BLTP1: variants seen among roughly 807,000 people sequenced by gnomAD.
The protein encoded by BLTP1 is fragile site-associated protein.
At chr4:122,223,767 A>G in the BLTP1 span, among the ~76,000 whole-genome samples, 1 of 152,120 alleles carries the variant, frequency 6.6e-6, no homozygotes, top group Non-Finnish European at 1.5e-5. Flanking sequence ...GGATGAGAGC[A>G]CTGAAGATGA....
At chr4:122,226,763 G>A in the BLTP1 span, 3 of 1,613,354 alleles carry the variant, frequency 1.9e-6, no homozygotes, top group Non-Finnish European at 8.5e-7. Flanking sequence ...TATGTCGGGA[G>A]TATGAACTGG....
chr4:122,243,962 C>T, the BLTP1 span: 11 of 1,611,502 alleles, frequency 6.8e-6, no homozygotes, highest in African/African-American at 1.3e-5. Flanking sequence ...GGACAACAGC[C>T]ATAGTTGAAG....
the BLTP1 span, chr4:122,219,127 C>CT: frequency 1.0e-6 from 1 of 984,240 alleles, no homozygotes; most frequent in Non-Finnish European, 1.2e-6. Context: ...GGCTCTGTAA[C>CT]TTTTTGCATT....
At chr4:122,317,402 C>T in the BLTP1 span, among the ~76,000 whole-genome samples, 11 of 151,320 alleles carry the variant, frequency 7.3e-5, no homozygotes, top group Non-Finnish European at 1.6e-4. Context: ...CACTTTATGA[C>T]TGATGGTTTA....
chr4:122,239,937 A>G, the BLTP1 span: 1 of 1,613,970 alleles, frequency 6.2e-7, no homozygotes, highest in Non-Finnish European at 8.5e-7. Flanking sequence ...TAGAAAAAAG[A>G]AGAAAAAGCA....
chr4:122,331,801 C>A, the BLTP1 span: 1 of 962,888 alleles, frequency 1.0e-6, no homozygotes, highest in East Asian at 1.2e-4. Flanking sequence ...CTTTGGAATT[C>A]TTTTAACACA....
At chr4:122,318,051 T>A in the BLTP1 span, 5 of 1,297,954 alleles carry the variant, frequency 3.9e-6, no homozygotes, top group Non-Finnish European at 1.0e-6. Context: ...TATAATCATC[T>A]TTGGTATTCT....
At chr4:122,338,123 A>T in the BLTP1 span, among the ~76,000 whole-genome samples, 3 of 151,456 alleles carry the variant, frequency 2.0e-5, no homozygotes, top group Non-Finnish European at 4.4e-5. Flanking sequence ...TAAAGGTCTG[A>T]TGAAAACAGA....
the BLTP1 span, among the ~76,000 whole-genome samples, chr4:122,319,533 T>C: frequency 4.7e-5 from 7 of 149,180 alleles, no homozygotes; most frequent in African/African-American, 1.7e-4. Context: ...CATTTTATGA[T>C]TTATAATTTT....
the BLTP1 span, chr4:122,186,952 A>G: frequency 1.1e-6 from 1 of 922,686 alleles, no homozygotes; most frequent in Non-Finnish European, 1.3e-6. Flanking sequence ...ATTAAGGGAA[A>G]ATTAATTTGG....
the BLTP1 span, chr4:122,274,515 T>G: frequency 1.3e-6 from 2 of 1,537,206 alleles, no homozygotes; most frequent in South Asian, 2.5e-5. Flanking sequence ...CATGCTGAAT[T>G]TTGAGGTTTG....
chr4:122,350,960 T>C, the BLTP1 span, among the ~76,000 whole-genome samples: 3 of 152,202 alleles, frequency 2.0e-5, no homozygotes, highest in Non-Finnish European at 4.4e-5. Flanking sequence ...ACAGATTTGA[T>C]ATCGGATTTA....
chr4:122,199,275 G>A, the BLTP1 span: 6 of 1,537,572 alleles, frequency 3.9e-6, no homozygotes, highest in Non-Finnish European at 4.4e-6. Flanking sequence ...TTCTTTGAGT[G>A]GTGGTAGGAG....
chr4:122,225,029 T>G, the BLTP1 span: 1 of 991,710 alleles, frequency 1.0e-6, no homozygotes, highest in East Asian at 8.9e-5. Context: ...AAATCTTATT[T>G]TTCTACTATA....
At chr4:122,322,968 A>ATT in the BLTP1 span, among the ~76,000 whole-genome samples, 3 of 151,502 alleles carry the variant, frequency 2.0e-5, no homozygotes, top group Non-Finnish European at 2.9e-5. Flanking sequence ...TCCTGAGGGG[A>ATT]TTTTTTTCCC....
the BLTP1 span, chr4:122,179,776 ACACT>A: frequency 2.3e-4 from 201 of 886,644 alleles, no homozygotes; most frequent in East Asian, 6.0e-4. Context: ...ACATGCACAC[ACACT>A]CACACAGCCA....
chr4:122,200,773 T>G, the BLTP1 span: 1 of 914,050 alleles, frequency 1.1e-6, no homozygotes, highest in African/African-American at 1.8e-5. Flanking sequence ...GTAGCCTGAT[T>G]TGTTGTTCTG....
chr4:122,282,798 A>G, the BLTP1 span, among the ~76,000 whole-genome samples: 2 of 152,084 alleles, frequency 1.3e-5, no homozygotes, highest in African/African-American at 4.8e-5. Context: ...GTTTATATGG[A>G]ATCTCACATT....
the BLTP1 span, chr4:122,315,539 A>G: frequency 6.2e-7 from 1 of 1,614,174 alleles, no homozygotes; most frequent in Non-Finnish European, 8.5e-7. Context: ...GGATCCTAAC[A>G]TTGGCAAAAG....
Sources: allele counts gnomAD v4.1 joint callset (sites outside exome capture counted in the v4.1 genomes callset), GRCh38; gene constraint gnomAD v4.1.1; transcripts MANE v1.5; gene names NCBI Gene and HGNC (gene_info 2026-07-23, HGNC 2026-07-21).